MFN2: variants seen among roughly 807,000 people sequenced by gnomAD.
MFN2 encodes the protein mitofusin-2.
MFN2 carries 43 observed loss-of-function variants against 87.5 expected under a neutral mutation model. The ratio of observed to expected loss-of-function variants is 0.49; its 90% CI spans 0.38 to 0.63. MFN2 has a LOEUF of 0.63. MFN2 is among the 30% of genes least tolerant of loss of function. The probability of loss-of-function intolerance (pLI) is 0.00; values close to 1 mark genes in which losing one functional copy is unlikely to be tolerated. For synonymous variants in MFN2, 337 were observed against 359.9 expected (o/e 0.94, Z 0.72); for missense variants, 743 against 972.8 (o/e 0.76, Z 3.14).
At chr1:12,008,024 C>A (rs904792425) in intron 17 of MFN2, among the ~76,000 whole-genome samples, 10 of 152,148 alleles carry the variant, frequency 6.6e-5, no homozygotes, top group African/African-American at 2.4e-4. Flanking sequence ...CCATTTAACC[C>A]TGAGTGGACA....
At chr1:12,011,433 CG>C in intron 18 of MFN2, 62 bp from the exon 19 acceptor site, 1 of 1,538,622 alleles carries the variant, frequency 6.5e-7, no homozygotes, top group Non-Finnish European at 9.0e-7. Flanking sequence ...TGGTGCCTGG[CG>C]GGTAGTCCTA....
intron 2 of MFN2, among the ~76,000 whole-genome samples, chr1:11,987,008 A>G (rs1638440347): frequency 6.6e-6 from 1 of 152,238 alleles, no homozygotes; most frequent in Non-Finnish European, 1.5e-5. Flanking sequence ...CAGTCACACA[A>G]AAATAGACTG....
chr1:11,994,209 GTTTTC>G (rs1638814446), intron 4 of MFN2, among the ~76,000 whole-genome samples: 1 of 152,346 alleles, frequency 6.6e-6, no homozygotes, highest in South Asian at 2.1e-4. Flanking sequence ...TATGTAGGCA[GTTTTC>G]TTTGCTTTGA....
rs540498876 is a variant in MFN2 at position 12,001,382 on chromosome 1, A to G, written c.817-19A>G. Reference sequence around the variant, plus strand: ...GGGGCCACCTACACTCACTCTGGACACATTTGTTTGGGCTCCAGGTGCGGC... The same window carrying G: ...GGGGCCACCTACACTCACTCTGGACGCATTTGTTTGGGCTCCAGGTGCGGC... On this transcript the variant is annotated intron_variant, in intron 8 of 18. Transcript: ENST00000235329. 4 of 1,612,708 alleles carry G rather than the reference A, an allele frequency of 2.5e-6. No individual in the cohort carries two copies. In the African/African-American group the frequency reaches 5.3e-5, roughly 22 times the overall value.
intron 14 of MFN2, among the ~76,000 whole-genome samples, 184 bp downstream of exon 14, chr1:12,005,111 G>A (rs181445368): frequency 2.8e-4 from 42 of 152,198 alleles, no homozygotes; most frequent in African/African-American, 9.6e-4. Flanking sequence ...AGACAGAGTC[G>A]CACTCCGTAA....
In MFN2 at chr1:12,001,503, A is replaced by T; in HGVS notation, c.919A>T (p.Lys307Ter). ...AGDRIFFVSA[K>*]EVLNARIQKA... ...GGACCGCATCTTCTTTGTGTCTGCT[A>T]AGGAGGTGCTCAACGCCAGGATTCA... is the stretch of plus-strand genomic sequence containing the variant. The change falls in exon 9 of 19, where the codon AAG (lysine) becomes TAG (stop). Residue 307 changes from lysine (K) to a stop codon, truncating the protein, a stop_gained. Transcript: ENST00000235329. LOFTEE classifies it high-confidence loss of function. 6.2e-7 allele frequency: 1 copy of T among 1,614,188 alleles called. No homozygotes were observed. The highest frequency in any genetic ancestry group is 8.5e-7 in the Non-Finnish European group (1 of 1,180,028).
rs756450319 is a variant in MFN2, at chr1:11,989,201, C to G, written c.33C>G (p.Ile11Met). Residue 11 changes from isoleucine (I) to methionine (M), a missense_variant, in exon 3 of 19, where the codon ATC (isoleucine) becomes ATG (methionine). Around this residue, in one of 3 missense-constraint regions of MFN2, gnomAD observed 31 missense variants for 23.2 expected, o/e 1.33. Transcript: ENST00000235329. Reference sequence around the variant, plus strand: ...TGCTCTTCTCTCGATGCAACTCTATCGTCACAGTCAAGAAAAATAAGAGAC... The same window carrying G: ...TGCTCTTCTCTCGATGCAACTCTATGGTCACAGTCAAGAAAAATAAGAGAC... MSLLFSRCNS[I>M]VTVKKNKRHM... The G allele has an allele frequency of 1.9e-6, 3 of 1,614,090 alleles. 1 individual carries two copies. The South Asian group carries it at 3.3e-5, about 18-fold the overall frequency.
chr1:11,990,381 A>G (rs1251365204), intron 3 of MFN2, among the ~76,000 whole-genome samples: 1 of 152,232 alleles, frequency 6.6e-6, no homozygotes, highest in Non-Finnish European at 1.5e-5. Context: ...GGTAGTTGAA[A>G]TAATCCCAAC....
Position 12,005,897 on chromosome 1 carries a change from A to C in MFN2, c.1682A>C (p.Asn561Thr), listed in dbSNP as rs778719488. Residue 561 changes from asparagine (N) to threonine (T), a missense_variant, in exon 15 of 19, where the codon AAC (asparagine) becomes ACC (threonine). This residue lies in a region of MFN2 where 571 missense variants were observed against 670.7 expected (regional missense o/e 0.85). Coordinates refer to ENST00000235329, the MANE Select transcript of MFN2 (RefSeq NM_014874.4). ...GTGAATAGGTTCCTGGGCCCCAAGA[A>C]CAGCCGTCGGGCCTTGATGGGCTAC... ...MLVNRFLGPK[N>T]SRRALMGYND... The C allele has an allele frequency of 6.2e-7, 1 of 1,614,042 alleles. No individual in the cohort carries two copies. Among genetic ancestry groups the C allele is most frequent in the Admixed American group, 1.7e-5 (1 of 60,024 alleles).
chr1:12,000,565 T>C (rs1639127475), intron 8 of MFN2, among the ~76,000 whole-genome samples: 2 of 152,202 alleles, frequency 1.3e-5, no homozygotes, highest in African/African-American at 2.4e-5. Context: ...GCCAGTGTGA[T>C]GGTGTGATAA....
chr1:12,006,230 G>T (rs1031557130), intron 15 of MFN2, among the ~76,000 whole-genome samples: 2 of 151,732 alleles, frequency 1.3e-5, no homozygotes, highest in Non-Finnish European at 2.9e-5. Flanking sequence ...CTATTTTAAA[G>T]TTCAGATTTT....
At chr1:11,983,235 C>G (rs1222630552) in intron 2 of MFN2, among the ~76,000 whole-genome samples, 1 of 152,090 alleles carries the variant, frequency 6.6e-6, no homozygotes, top group Non-Finnish European at 1.5e-5. Flanking sequence ...CCATGCCTGG[C>G]TAATTTTTTG....
chr1:11,999,952 G>C (rs914216772), intron 8 of MFN2, among the ~76,000 whole-genome samples: 1 of 151,452 alleles, frequency 6.6e-6, no homozygotes, highest in African/African-American at 2.4e-5. Context: ...AAATTAGCCG[G>C]GTGTGATGGT....
At chr1:11,986,685 G>C (rs1208326567) in intron 2 of MFN2, among the ~76,000 whole-genome samples, 1 of 151,082 alleles carries the variant, frequency 6.6e-6, no homozygotes, top group Non-Finnish European at 1.5e-5. Context: ...CCAGCTCCCA[G>C]GTTCAAGCAA....
chr1:11,999,163 C>G (rs1639064650), intron 8 of MFN2, 68 bp downstream of exon 8: 1 of 1,238,716 alleles, frequency 8.1e-7, no homozygotes, highest in Non-Finnish European at 1.2e-6. Context: ...ACTGGGGCCA[C>G]TTCCTGCACC....
intron 8 of MFN2, among the ~76,000 whole-genome samples, chr1:11,999,411 G>T (rs1050740038): frequency 6.6e-6 from 1 of 152,212 alleles, no homozygotes; most frequent in East Asian, 1.9e-4. Flanking sequence ...CTCTAGGGAG[G>T]CCTCTGGGAA....
At position 11,998,753 on chromosome 1, in the gene MFN2, A is replaced by G. The variant is rs778041614; in HGVS notation, c.600-17A>G. 9 of 1,611,646 alleles carry G rather than the reference A, an allele frequency of 5.6e-6. No individual in the cohort carries two copies. Among genetic ancestry groups the G allele is most frequent in the Non-Finnish European group, 7.6e-6 (9 of 1,177,852 alleles). On this transcript the variant is annotated splice_polypyrimidine_tract_variant and intron_variant, in intron 6 of 18. Coordinates refer to ENST00000235329, the MANE Select transcript of MFN2 (RefSeq NM_014874.4). The stretch of plus-strand genomic sequence containing the variant: ...CCTGCTCTGCCTGATGATTTGGTTT[A>G]CCCCTGTCACCTTTAGCCCTGGTAT...
At position 12,013,110 on chromosome 1, in the gene MFN2, C is replaced by T. The variant is rs191440012; in HGVS notation, c.*1545C>T. ...GTGGGTGGATGTTCCCGGCGTGTGC[C>T]GGGCCTGAATGGACAGGGGCCACTT... On this transcript the variant is annotated 3_prime_UTR_variant, in exon 19 of 19. Transcript: ENST00000235329. 2.9e-5 allele frequency: 10 copies of T among 343,558 alleles called. No individual in the cohort carries two copies. Among genetic ancestry groups the T allele is most frequent in the Admixed American group, 8.3e-5 (2 of 24,030 alleles). The allele number at this position is 343,558 out of a possible 1,614,324, so 21.3% of individuals were successfully genotyped here. A position where few individuals can be genotyped will look rare whatever the true frequency, so the allele number is the denominator to read the frequency against.
chr1:11,982,143 C>T (rs1025957642), intron 2 of MFN2, 29 bp downstream of exon 2: 3 of 152,164 alleles, frequency 2.0e-5, no homozygotes. Context: ...TTCTGGCACC[C>T]TGGATTTGAG....
Sources: allele counts gnomAD v4.1 joint callset (sites outside exome capture counted in the v4.1 genomes callset), GRCh38; gene constraint gnomAD v4.1.1; regional missense constraint gnomAD v4.1.1; transcripts MANE v1.5; gene names NCBI Gene and HGNC (gene_info 2026-07-23, HGNC 2026-07-21).